Variants in BPTF observed in about 807,000 individuals in gnomAD.
BPTF encodes nucleosome-remodeling factor subunit BPTF.
BPTF carries 18 observed loss-of-function variants against 292.5 expected under a neutral mutation model. That is an observed-to-expected ratio of 0.06 (90% CI 0.04 to 0.09). BPTF has a LOEUF of 0.09. Among genes scored for constraint, BPTF ranks in the 10% least tolerant of loss-of-function variants. BPTF has a pLI of 1.00. For synonymous variants in BPTF, 1,225 were observed against 1,251.9 expected, an observed-to-expected ratio of 0.98 and a Z score of 0.45; for missense variants, 2,726 against 3,498.7, an observed-to-expected ratio of 0.78 and a Z score of 5.57.
chr17:67,931,513 A>G (rs564609240), intron 17 of BPTF, among the ~76,000 whole-genome samples: 1 of 152,104 alleles, frequency 6.6e-6, no homozygotes, highest in Non-Finnish European at 1.5e-5. Context: ...TTTTTAAAAA[A>G]CTATGAAAGA....
intron 18 of BPTF, among the ~76,000 whole-genome samples, chr17:67,937,883 G>A (rs2065050127): frequency 6.6e-6 from 1 of 152,232 alleles, no homozygotes; most frequent in South Asian, 2.1e-4. Flanking sequence ...GGGAGGCCAA[G>A]GCGGGCGGAT....
intron 9 of BPTF, among the ~76,000 whole-genome samples, chr17:67,906,203 C>T (rs772347271): frequency 6.6e-6 from 1 of 152,010 alleles, no homozygotes; most frequent in African/African-American, 2.4e-5. Context: ...GCCTCAGCCT[C>T]CCGAGTAGCT....
intron 26 of BPTF, among the ~76,000 whole-genome samples, chr17:67,969,036 T>C (rs891736672): frequency 2.2e-4 from 33 of 151,394 alleles, no homozygotes; most frequent in East Asian, 3.9e-4. Context: ...GCACAGTGGC[T>C]CATGCCTGTA....
intron 18 of BPTF, among the ~76,000 whole-genome samples, chr17:67,934,063 AT>A (rs1188373174): frequency 1.3e-5 from 2 of 152,282 alleles, no homozygotes; most frequent in African/African-American, 2.4e-5. Context: ...GAAAAAAAAA[AT>A]AATAATTCAT....
At chr17:67,917,147 T>TTTTG (rs2063085328) in intron 11 of BPTF, among the ~76,000 whole-genome samples, 1 of 148,152 alleles carries the variant, frequency 6.7e-6, no homozygotes, top group Non-Finnish European at 1.5e-5. Context: ...TTTTTTTTTT[T>TTTTG]TTTGAGATAG....
chr17:67,853,859 G>A, intron 1 of BPTF, 81 bp from the exon 2 acceptor site: 1 of 1,005,110 alleles, frequency 9.9e-7, no homozygotes, highest in Non-Finnish European at 1.5e-6. Context: ...ATGTATTTTA[G>A]GGGGGTATAT....
intron 1 of BPTF, among the ~76,000 whole-genome samples, chr17:67,844,454 AG>A (rs1188051932): frequency 6.6e-6 from 1 of 150,946 alleles, no homozygotes; most frequent in African/African-American, 2.4e-5. Flanking sequence ...TCACCGTGTT[AG>A]CCAGTATGGT....
intron 12 of BPTF, 36 bp downstream of exon 12, chr17:67,918,874 T>G: frequency 6.2e-7 from 1 of 1,603,930 alleles, no homozygotes; most frequent in Admixed American, 1.7e-5. Flanking sequence ...AATTTAAGTT[T>G]AAAAGCTAAA....
chr17:67,957,591 C>T (rs181881456), intron 23 of BPTF, among the ~76,000 whole-genome samples: 13 of 152,130 alleles, frequency 8.5e-5, no homozygotes, highest in African/African-American at 2.7e-4. Flanking sequence ...TTCTTATGGC[C>T]GGGTGTAAGT....
intron 21 of BPTF, 147 bp from the exon 22 acceptor site, chr17:67,947,579 G>A (rs2065905333): frequency 3.2e-6 from 2 of 625,538 alleles, no homozygotes; most frequent in Non-Finnish European, 5.3e-6. Flanking sequence ...CCATCTGGTA[G>A]CTGCTAATTT....
At chr17:67,958,901 A>C (rs1406248259) in intron 23 of BPTF, among the ~76,000 whole-genome samples, 2 of 152,192 alleles carry the variant, frequency 1.3e-5, no homozygotes. Context: ...CAGGAGACAT[A>C]AGTTGCAGTG....
intron 1 of BPTF, among the ~76,000 whole-genome samples, chr17:67,847,784 G>A (rs192516967): frequency 6.6e-6 from 1 of 152,276 alleles, no homozygotes; most frequent in Non-Finnish European, 1.5e-5. Flanking sequence ...GAATGTACTG[G>A]AAGAGCATAA....
At chr17:67,871,363 A>C (rs1046113827) in intron 3 of BPTF, among the ~76,000 whole-genome samples, 79 of 146,026 alleles carry the variant, frequency 5.4e-4, no homozygotes, top group African/African-American at 1.9e-3. Flanking sequence ...AATTGCTTGA[A>C]CCCAGAGGCA....
intron 26 of BPTF, among the ~76,000 whole-genome samples, chr17:67,967,057 G>A (rs1274863707): frequency 3.3e-5 from 5 of 151,138 alleles, no homozygotes; most frequent in Admixed American, 1.3e-4. Flanking sequence ...CAGAGATCGC[G>A]CCACTGCACT....
chr17:67,907,589 C>A (rs532104022), intron 9 of BPTF, among the ~76,000 whole-genome samples: 1 of 152,276 alleles, frequency 6.6e-6, no homozygotes, highest in African/African-American at 2.4e-5. Flanking sequence ...CTCCTGACTT[C>A]AAGTGATCTG....
In BPTF at chr17:67,825,970, G is replaced by T. The variant is rs964518276; in HGVS notation, c.246G>T (p.Pro82=). 3.8e-5 allele frequency: 39 copies of T among 1,037,970 alleles called. No homozygotes were observed. The highest frequency in any genetic ancestry group is 4.5e-5 in the Non-Finnish European group (39 of 865,724). The allele number at this position is 1,037,970 out of a possible 1,614,324, so 64.3% of individuals were successfully genotyped here. A position where few individuals can be genotyped will look rare whatever the true frequency, so the allele number is the denominator to read the frequency against. Residue 82 remains proline, a synonymous_variant, in exon 1 of 28, where the codon CCG becomes CCT. Coordinates refer to ENST00000306378, the MANE Select transcript of BPTF (RefSeq NM_182641.4). ...SSRRKPPPPP[P]APPSTSAPGR... ...GGAGGAAGCCGCCGCCGCCGCCGCC[G>T]GCCCCCCCCAGCACCAGCGCCCCGG... is the stretch of plus-strand genomic sequence containing the variant.
chr17:67,915,344 T>C (rs1167558677), intron 11 of BPTF, among the ~76,000 whole-genome samples: 2 of 152,204 alleles, frequency 1.3e-5, no homozygotes, highest in East Asian at 3.8e-4. Context: ...CTGACTGAGC[T>C]AAGGGACTTG....
chr17:67,886,426 A>AT (rs75360723), intron 4 of BPTF: 139,408 of 693,506 alleles, frequency 0.2, 19,770 homozygotes, highest in East Asian at 0.67. Context: ...TTAGTTTTTA[A>AT]TTTTTTAAAT....
At chr17:67,922,765 C>A in intron 13 of BPTF, 75 bp from the exon 14 acceptor site, 1 of 1,487,166 alleles carries the variant, frequency 6.7e-7, no homozygotes, top group South Asian at 1.4e-5. Flanking sequence ...ACCACTTTTT[C>A]ATGATAGAAG....
Sources: gnomAD v4.1 joint callset for allele counts (sites outside exome capture counted in the v4.1 genomes callset) on GRCh38, gnomAD v4.1.1 for gene constraint, MANE v1.5 for transcripts, NCBI Gene and HGNC (gene_info 2026-07-23, HGNC 2026-07-21) for gene names.